FSTL4: variants seen among roughly 807,000 people sequenced by gnomAD.
FSTL4 encodes follistatin like 4.
In FSTL4, 28 loss-of-function variants were observed where a neutral mutation model predicts 78.2. The ratio of observed to expected loss-of-function variants is 0.36; its 90% confidence interval spans 0.27 to 0.49. FSTL4 has a LOEUF of 0.49. Among genes scored for constraint, FSTL4 ranks in the 20% least tolerant of loss-of-function variants. The probability of loss-of-function intolerance (pLI) is 0.98; values close to 1 mark genes in which losing one functional copy is unlikely to be tolerated. For missense variants in FSTL4, 922 were observed against 1,084.9 expected, an observed-to-expected ratio of 0.85 and a Z score of 2.11; for synonymous variants, 422 against 440.5, an observed-to-expected ratio of 0.96 and a Z score of 0.53.
At chr5:133,390,028 G>A (rs1755805248) in intron 4 of FSTL4, among the ~76,000 whole-genome samples, 1 of 152,176 alleles carries the variant, frequency 6.6e-6, no homozygotes, top group South Asian at 2.1e-4. Flanking sequence ...CAGGCCTTTG[G>A]GCATACCTTA....
At chr5:133,754,356 GAT>G in the FSTL4 span, among the ~76,000 whole-genome samples, 9 of 151,794 alleles carry the variant, frequency 5.9e-5, no homozygotes, top group South Asian at 1.9e-3. Context: ...AGAGCTAAAA[GAT>G]ATATATATAT....
intron 13 of FSTL4, among the ~76,000 whole-genome samples, chr5:133,211,902 G>A (rs1331811217): frequency 6.6e-6 from 1 of 152,198 alleles, no homozygotes; most frequent in South Asian, 2.1e-4. Context: ...TTCCCACCCT[G>A]CTGAAATATA....
the FSTL4 span, among the ~76,000 whole-genome samples, chr5:133,714,377 C>T: frequency 2.6e-5 from 4 of 152,170 alleles, no homozygotes; most frequent in African/African-American, 4.8e-5. Flanking sequence ...CTCAAATGCA[C>T]GCCTGGACAG....
chr5:133,757,557 G>T, the FSTL4 span, among the ~76,000 whole-genome samples: 3 of 152,296 alleles, frequency 2.0e-5, no homozygotes, highest in East Asian at 5.8e-4. Flanking sequence ...AGATGGATTT[G>T]GCGTCATGCT....
chr5:133,660,634 C>T, the FSTL4 span, among the ~76,000 whole-genome samples: 2 of 152,154 alleles, frequency 1.3e-5, no homozygotes, highest in Non-Finnish European at 2.9e-5. Context: ...AGGTGCCCAC[C>T]CTGTCCCTCT....
intron 6 of FSTL4, among the ~76,000 whole-genome samples, chr5:133,301,361 C>T (rs1190830009): frequency 6.6e-6 from 1 of 152,164 alleles, no homozygotes; most frequent in Non-Finnish European, 1.5e-5. Context: ...TTCTGCCTGC[C>T]AGATGCCTCT....
rs544806322 is a variant in FSTL4, at chr5:133,407,092, G to A, written c.161-6106C>T. On this transcript the variant is annotated intron_variant, in intron 3 of 15. Coordinates refer to ENST00000265342, the MANE Select transcript of FSTL4 (RefSeq NM_015082.2). ...ATCCACACATCAGCAACCCTGGCCTGCAGGATGGCTGCTCCTCACCCACCT... is the reference window on the plus strand; with the variant it reads ...ATCCACACATCAGCAACCCTGGCCTACAGGATGGCTGCTCCTCACCCACCT... 2.0e-4 allele frequency among the ~76,000 whole-genome samples: 31 copies of A among 152,312 alleles called. No individual in the cohort carries two copies. The South Asian group carries it at 5.6e-3, about 28-fold the overall frequency.
the FSTL4 span, among the ~76,000 whole-genome samples, chr5:133,692,379 G>A: frequency 0.012 from 1,851 of 152,278 alleles, 39 homozygotes; most frequent in African/African-American, 0.043. Flanking sequence ...CTGGGGGTTT[G>A]AGCAGGGGTG....
the FSTL4 span, among the ~76,000 whole-genome samples, chr5:133,690,262 A>G: frequency 0.98 from 149,789 of 152,106 alleles, 73,764 homozygotes; most frequent in East Asian, 1. Flanking sequence ...TCTAGTCCCC[A>G]CCTCCAAAAG....
At chr5:133,626,841 T>C in the FSTL4 span, among the ~76,000 whole-genome samples, 3 of 152,170 alleles carry the variant, frequency 2.0e-5, no homozygotes, top group Non-Finnish European at 4.4e-5. Context: ...TGCACACTTT[T>C]AAAAATGTGT....
chr5:133,749,438 C>T, the FSTL4 span, among the ~76,000 whole-genome samples: 1 of 152,216 alleles, frequency 6.6e-6, no homozygotes, highest in Admixed American at 6.5e-5. Context: ...CAAGGGCACA[C>T]AGTTGCTATT....
rs985212910 is a variant in FSTL4, at chr5:133,491,423, G to A, written c.160+75763C>T. On this transcript the variant is annotated intron_variant, in intron 3 of 15. Coordinates refer to ENST00000265342, the MANE Select transcript of FSTL4 (RefSeq NM_015082.2). ...TTTCTTTTTTTTTTTTTTTTGAGACGGAGTCTCACTCTGCTGCCCAGGCTG... is the reference window on the plus strand; with the variant it reads ...TTTCTTTTTTTTTTTTTTTTGAGACAGAGTCTCACTCTGCTGCCCAGGCTG... Among the ~76,000 whole-genome samples the A allele has an allele frequency of 8.2e-5, 12 of 146,326 alleles. No homozygotes were observed. The South Asian group carries it at 8.6e-4, about 10-fold the overall frequency.
At chr5:133,295,460 C>CA (rs1219405614) in intron 6 of FSTL4, among the ~76,000 whole-genome samples, 21 of 152,290 alleles carry the variant, frequency 1.4e-4, no homozygotes, top group Admixed American at 8.5e-4. Context: ...CGTGTGTTTG[C>CA]AAAAGCCTTC....
intron 3 of FSTL4, among the ~76,000 whole-genome samples, chr5:133,413,089 TGTTTA>T (rs1244958412): frequency 9.9e-5 from 15 of 152,282 alleles, no homozygotes; most frequent in African/African-American, 3.6e-4. Context: ...ATTCTTCTAC[TGTTTA>T]TCTCAAATTT....
At chr5:133,512,199 T>C (rs1405137504) in intron 3 of FSTL4, among the ~76,000 whole-genome samples, 1 of 152,252 alleles carries the variant, frequency 6.6e-6, no homozygotes, top group Non-Finnish European at 1.5e-5. Flanking sequence ...CCTGGGGCTG[T>C]AGGCGGCAGA....
intron 3 of FSTL4, among the ~76,000 whole-genome samples, chr5:133,539,575 A>AT (rs1759425873): frequency 1.3e-5 from 2 of 152,158 alleles, no homozygotes; most frequent in Non-Finnish European, 2.9e-5. Flanking sequence ...GTGCTGATGC[A>AT]TAGCAGTTCT....
the FSTL4 span, among the ~76,000 whole-genome samples, chr5:133,641,694 A>G: frequency 6.6e-6 from 1 of 152,204 alleles, no homozygotes. Flanking sequence ...TTGAATTTGT[A>G]CTAATAAGGG....
chr5:133,297,133 A>C (rs1484372134), intron 6 of FSTL4, among the ~76,000 whole-genome samples: 1 of 152,258 alleles, frequency 6.6e-6, no homozygotes, highest in Non-Finnish European at 1.5e-5. Flanking sequence ...TTCATGTCAA[A>C]TAGTGTTACC....
intron 3 of FSTL4, among the ~76,000 whole-genome samples, chr5:133,475,289 A>T (rs1052181260): frequency 2.6e-5 from 4 of 152,244 alleles, no homozygotes; most frequent in African/African-American, 9.6e-5. Flanking sequence ...TATAATTTAA[A>T]ATTCATTATT....
Sources: gnomAD v4.1 joint callset for allele counts (sites outside exome capture counted in the v4.1 genomes callset) on GRCh38, gnomAD v4.1.1 for gene constraint, MANE v1.5 for transcripts, NCBI Gene and HGNC (gene_info 2026-07-23, HGNC 2026-07-21) for gene names.